The following INTS6 variants were observed in gnomAD, a reference collection of about 807,000 sequenced individuals.
INTS6 encodes the protein integrator complex subunit 6, also known as DEAD box protein.
In INTS6, 16 loss-of-function variants were observed where a neutral mutation model predicts 104.9. The ratio of observed to expected loss-of-function variants is 0.15; its 90% confidence interval spans 0.10 to 0.23. The LOEUF is 0.23. Ranked by LOEUF, INTS6 falls within the 10% of genes least tolerant of loss-of-function variation. The probability of loss-of-function intolerance (pLI) is 1.00; values close to 1 mark genes in which losing one functional copy is unlikely to be tolerated. For missense variants in INTS6, 584 were observed against 1,062.8 expected (o/e 0.55, Z 6.26); for synonymous variants, 324 against 358.7 (o/e 0.90, Z 1.09).
chr13:51,431,150 G>C (rs1957083756), intron 3 of INTS6, among the ~76,000 whole-genome samples: 1 of 152,148 alleles, frequency 6.6e-6, no homozygotes, highest in Admixed American at 6.5e-5. Context: ...ACATCTGTAA[G>C]GGACTAAGAC....
At chr13:51,358,061 G>A (rs908861738), downstream of INTS6, among the ~76,000 whole-genome samples, 28 of 152,002 alleles carry the variant, frequency 1.8e-4, no homozygotes, top group Admixed American at 1.3e-4. Flanking sequence ...GGCTAGAGGA[G>A]ACAAATGGAG....
chr13:51,452,602 G>A lies in INTS6; in HGVS notation c.-77C>T. 6.5e-7 allele frequency: 1 copy of A among 1,545,628 alleles called. No homozygotes were observed. Among genetic ancestry groups the A allele is most frequent in the East Asian group, 2.4e-5 (1 of 41,036 alleles). On this transcript the variant is annotated 5_prime_UTR_variant, in exon 1 of 18. Coordinates refer to ENST00000311234, the MANE Select transcript of INTS6 (RefSeq NM_012141.3). The surrounding 1 kb of genome is among the most constrained non-coding windows in gnomAD (Gnocchi z 4.2). ...TAGAGGTGGAGGCGCCGGTGGCGGCGACCGCCGCTACGCGGGGCGGGGGAG... is the reference window on the plus strand; with the variant it reads ...TAGAGGTGGAGGCGCCGGTGGCGGCAACCGCCGCTACGCGGGGCGGGGGAG...
chr13:51,403,541 C>T (rs191252837), intron 4 of INTS6, among the ~76,000 whole-genome samples: 99 of 130,134 alleles, frequency 7.6e-4, no homozygotes, highest in Non-Finnish European at 1.3e-3. Flanking sequence ...CAGATCGCAC[C>T]ACTGCACTCC....
At chr13:51,370,324 G>A (rs1468757173) in intron 15 of INTS6, among the ~76,000 whole-genome samples, 1 of 152,084 alleles carries the variant, frequency 6.6e-6, no homozygotes, top group African/African-American at 2.4e-5. Flanking sequence ...TAGTGCTATT[G>A]CAAAATTACT....
At chr13:51,383,228 ATTT>A (rs1956085236) in intron 9 of INTS6, 98 bp downstream of exon 9, 1 of 990,428 alleles carries the variant, frequency 1.0e-6, no homozygotes, top group African/African-American at 1.7e-5. Context: ...TATTCAAAAT[ATTT>A]TCATTGATTT....
At chr13:51,417,765 A>C (rs888068132) in intron 4 of INTS6, among the ~76,000 whole-genome samples, 6 of 152,028 alleles carry the variant, frequency 3.9e-5, no homozygotes, top group African/African-American at 1.5e-4. Context: ...CCAGAAAATT[A>C]TTCTTTTCTC....
rs764247430 is a variant in INTS6, at chr13:51,365,826, T to C, written c.2590A>G (p.Ile864Val). 1.8e-5 allele frequency: 29 copies of C among 1,600,780 alleles called. No homozygotes were observed. Among genetic ancestry groups the C allele is most frequent in the Middle Eastern group, 2.3e-4 (1 of 4,388 alleles). Residue 864 changes from isoleucine to valine, a missense_variant, in exon 18 of 18, where the codon ATA becomes GTA. Ile to Val is a conservative substitution (Grantham distance 29, BLOSUM62 3). Transcript: ENST00000311234. ...TCCAAGAAGTTCTCCAGTTGTTCTA[T>C]TAGCATTCGTTTTTTAAACCTGTAT... ...EASRFKKRML[I>V]EQLENFLDEI...
rs749614322 is a variant in INTS6, at chr13:51,451,028, C to A, written c.336G>T (p.Gly112=). The A allele has an allele frequency of 4.6e-6, 7 of 1,520,896 alleles. No homozygotes were observed. The highest frequency in any genetic ancestry group is 6.2e-6 in the Non-Finnish European group (7 of 1,138,198). 94.2% of individuals were successfully genotyped at this position (1,520,896 alleles called of 1,614,324 possible). Residue 112 remains glycine (G), a synonymous_variant, in exon 3 of 18, where the codon GGG becomes GGT. Transcript: ENST00000311234. ...NRLVTGIDNY[G]QGRNPFFLEP... ...GCCACCTTATTATTCAACCTACCTG[C>A]CCATAGTTGTCTATGCCAGTTACTA...
At chr13:51,372,923 A>G (rs1235308760) in intron 15 of INTS6, among the ~76,000 whole-genome samples, 6 of 152,188 alleles carry the variant, frequency 3.9e-5, no homozygotes, top group Non-Finnish European at 5.9e-5. Flanking sequence ...CTGTTTGTGG[A>G]AAAGTTTGAT....
intron 4 of INTS6, among the ~76,000 whole-genome samples, chr13:51,420,039 T>G (rs1956866499): frequency 1.3e-5 from 2 of 152,192 alleles, no homozygotes; most frequent in African/African-American, 4.8e-5. Flanking sequence ...ATAGTTCCAG[T>G]ACACACTATA....
In INTS6 at chr13:51,374,406, C is replaced by A; in HGVS notation, c.1906G>T (p.Ala636Ser). 1 of 1,613,986 alleles carries A rather than the reference C, an allele frequency of 6.2e-7. No homozygotes were observed. Among genetic ancestry groups the A allele is most frequent in the Non-Finnish European group, 8.5e-7 (1 of 1,179,942 alleles). ...CGTTTATGTTTATTTTGAGGTCCAGCCACAAATTCATCTGCTTCATCTATC... is the reference window on the plus strand; with the variant it reads ...CGTTTATGTTTATTTTGAGGTCCAGACACAAATTCATCTGCTTCATCTATC... ...MMIDEADEFV[A>S]GPQNKHKRPG... Residue 636 changes from alanine (A) to serine (S), a missense_variant, in exon 15 of 18, where the codon GCT (alanine) becomes TCT (serine). This residue lies in a region of INTS6 where 296 missense variants were observed against 437.0 expected (regional missense o/e 0.68). Transcript: ENST00000311234.
At chr13:51,380,086 G>A (rs1425543502) in intron 10 of INTS6, among the ~76,000 whole-genome samples, 1 of 151,870 alleles carries the variant, frequency 6.6e-6, no homozygotes, top group East Asian at 1.9e-4. Context: ...GTTGTCATGG[G>A]ATTAAATGAG....
Position 51,451,127 on chromosome 13 carries a change from G to A in INTS6, c.237C>T (p.Asn79=), listed in dbSNP as rs201775274. The change falls in exon 3 of 18, where the codon AAC becomes AAT. Residue 79 remains asparagine, a synonymous_variant. Transcript: ENST00000311234. ...NHATFMNELK[N]LQAEGLTTLG... ...GAGTCGTAAGTCCTTCAGCCTGAAGGTTTTTCAATTCATTCATAAACGTTG... is the reference window on the plus strand; with the variant it reads ...GAGTCGTAAGTCCTTCAGCCTGAAGATTTTTCAATTCATTCATAAACGTTG... 8.7e-5 allele frequency: 137 copies of A among 1,573,506 alleles called. No homozygotes were observed. The highest frequency in any genetic ancestry group is 6.9e-6 in the Non-Finnish European group (8 of 1,163,282).
intron 3 of INTS6, 107 bp from the exon 4 acceptor site, chr13:51,430,490 T>C (rs1450614533): frequency 4.0e-6 from 3 of 741,886 alleles, no homozygotes; most frequent in Non-Finnish European, 6.6e-6. Flanking sequence ...TCTAGTTTCA[T>C]TTTACATGTA....
chr13:51,338,451 A>ATAGG, the INTS6 span, among the ~76,000 whole-genome samples: 3 of 4,722 alleles, frequency 6.4e-4, no homozygotes, highest in African/African-American at 1.1e-3. Context: ...GGATAGGTGG[A>ATAGG]TGGATGGATG....
In INTS6 at chr13:51,452,098, C is replaced by G; in HGVS notation, c.112-43G>C. The G allele has an allele frequency of 6.3e-7, 1 of 1,578,974 alleles. No individual in the cohort carries two copies. The highest frequency in any genetic ancestry group is 8.7e-7 in the Non-Finnish European group (1 of 1,153,542). ...GAACAGGGCGGGCGACAGGGAAGCA[C>G]AGAGGCGAGGTTACGAGGCGGAGAA... On this transcript the variant is annotated intron_variant, in intron 1 of 17. Coordinates refer to ENST00000311234, the MANE Select transcript of INTS6 (RefSeq NM_012141.3). The surrounding 1 kb of genome is among the most constrained non-coding windows in gnomAD (Gnocchi z 4.2).
intron 4 of INTS6, among the ~76,000 whole-genome samples, chr13:51,407,498 T>C (rs372589332): frequency 9.9e-5 from 15 of 152,110 alleles, no homozygotes; most frequent in South Asian, 4.2e-4. Context: ...ACTAGGATGA[T>C]TGATAACAAA....
chr13:51,348,784 A>C, the INTS6 span: 1 of 217,310 alleles, frequency 4.6e-6, no homozygotes, highest in Non-Finnish European at 9.1e-6. Flanking sequence ...ATCTTATCCC[A>C]TCCTAAGAGT....
At chr13:51,372,828 G>A (rs1353679202) in intron 15 of INTS6, among the ~76,000 whole-genome samples, 3 of 152,106 alleles carry the variant, frequency 2.0e-5, no homozygotes, top group South Asian at 2.1e-4. Context: ...TCTGTTCCCC[G>A]GGTTTCCCAA....
Sources: gnomAD v4.1 joint callset for allele counts (sites outside exome capture counted in the v4.1 genomes callset) on GRCh38, gnomAD v4.1.1 for gene constraint, gnomAD v4.1.1 regional missense constraint, Gnocchi (gnomAD v3.1) non-coding constraint, MANE v1.5 for transcripts, NCBI Gene and HGNC (gene_info 2026-07-23, HGNC 2026-07-21) for gene names.